The following SCN7A variants were observed in gnomAD, a reference collection of about 807,000 sequenced individuals.
The protein encoded by SCN7A is sodium channel protein type 7 subunit alpha.
In SCN7A, 138 loss-of-function variants were observed where a neutral mutation model predicts 155.2. The ratio of observed to expected loss-of-function variants is 0.89; its 90% CI spans 0.77 to 1.02. The LOEUF is 1.02. Among genes scored for constraint, SCN7A ranks in the 50% least tolerant of loss-of-function variants. SCN7A has a pLI of 0.00. For missense variants in SCN7A, 2,058 were observed against 1,986.6 expected (o/e 1.04, Z -0.68); for synonymous variants, 693 against 649.0 (o/e 1.07, Z -1.03).
At chr2:166,425,642 G>A (rs1701606530) in intron 18 of SCN7A, among the ~76,000 whole-genome samples, 1 of 151,928 alleles carries the variant, frequency 6.6e-6, no homozygotes, top group African/African-American at 2.4e-5. Flanking sequence ...GCATTCTTCT[G>A]TCTTCAAAGG....
chr2:166,468,297 C>G (rs1221057061), intron 7 of SCN7A, among the ~76,000 whole-genome samples: 1 of 152,006 alleles, frequency 6.6e-6, no homozygotes, highest in Non-Finnish European at 1.5e-5. Flanking sequence ...TTCACACAAA[C>G]AGAGAGTTGA....
intron 1 of SCN7A, among the ~76,000 whole-genome samples, chr2:166,489,002 T>G (rs1259927594): frequency 1.3e-5 from 2 of 152,176 alleles, no homozygotes; most frequent in African/African-American, 4.8e-5. Flanking sequence ...TAGAAATTAT[T>G]GCTGAAGTTT....
chr2:166,459,807 T>G (rs928927746), intron 10 of SCN7A, among the ~76,000 whole-genome samples: 1 of 152,140 alleles, frequency 6.6e-6, no homozygotes, highest in African/African-American at 2.4e-5. Flanking sequence ...TAAAAAAGAA[T>G]GAGTTCATGT....
rs781720177 is a variant in SCN7A, at chr2:166,441,397, A to T, written c.2156T>A (p.Leu719Gln). The T allele has an allele frequency of 2.5e-6, 4 of 1,575,734 alleles. No homozygotes were observed. Among genetic ancestry groups the T allele is most frequent in the Non-Finnish European group, 3.4e-6 (4 of 1,159,604 alleles). The change falls in exon 15 of 26, where the codon CTG (leucine) becomes CAG (glutamine). Residue 719 changes from leucine (L) to glutamine (Q), a missense_variant and splice_region_variant. Coordinates refer to ENST00000643258, the MANE Select transcript of SCN7A (RefSeq NM_002976.4). The stretch of plus-strand genomic sequence containing the variant: ...AATGTAAAAGAATTGACTACTTACC[A>T]GTAAATTTCCAATTAAAATGACCAT... The part of the protein sequence containing the change: ...YLMVILIGNL[L>Q]VLYLFLALVS...
chr2:166,483,725 G>T (rs887767780), intron 2 of SCN7A, among the ~76,000 whole-genome samples: 1 of 151,738 alleles, frequency 6.6e-6, no homozygotes, highest in African/African-American at 2.4e-5. Context: ...AAACTTTTTT[G>T]ATCATATAAA....
intron 7 of SCN7A, among the ~76,000 whole-genome samples, chr2:166,469,668 T>A (rs1347258921): frequency 1.3e-5 from 2 of 151,794 alleles, no homozygotes; most frequent in Non-Finnish European, 2.9e-5. Context: ...AATTCTTACC[T>A]CTAGTCTTAG....
rs764760948 is a variant in SCN7A, at chr2:166,432,681, A to G, written c.2229T>C (p.Asn743=). Residue 743 remains asparagine (N), a synonymous_variant, in exon 16 of 26, where the codon AAT becomes AAC. Transcript: ENST00000643258. ...CTGCAAGCTGGAGATTTTTTGCTTC[A>G]TTATTCTCTTCAGCTGTTACATCCT... ...SCKDVTAEEN[N]EAKNLQLAVA... is the part of the protein sequence containing the mutation. The G allele has an allele frequency of 6.2e-7, 1 of 1,603,862 alleles. No homozygotes were observed.
intron 3 of SCN7A, among the ~76,000 whole-genome samples, chr2:166,475,104 GTATATATATATA>G (rs370064873): frequency 1.2e-5 from 1 of 86,026 alleles, no homozygotes; most frequent in Non-Finnish European, 2.7e-5. Flanking sequence ...ACATATATAT[GTATATATATATA>G]TATACATATA....
intron 15 of SCN7A, among the ~76,000 whole-genome samples, chr2:166,435,524 A>G (rs1400671567): frequency 6.6e-6 from 1 of 152,104 alleles, no homozygotes; most frequent in Non-Finnish European, 1.5e-5. Flanking sequence ...TTGAGTGAGA[A>G]TTGAGCAACT....
chr2:166,477,769 T>A, intron 2 of SCN7A, 59 bp from the exon 3 acceptor site: 1 of 1,091,218 alleles, frequency 9.2e-7, no homozygotes, highest in Non-Finnish European at 1.3e-6. Context: ...GTACAAAAGA[T>A]TAGGATACGA....
rs200874141 is a variant in SCN7A at position 166,474,298 on chromosome 2, G to C, written c.281C>G (p.Ala94Gly). 7 of 1,527,102 alleles carry C rather than the reference G, an allele frequency of 4.6e-6. No individual in the cohort carries two copies. Among genetic ancestry groups the C allele is most frequent in the Non-Finnish European group, 5.3e-6 (6 of 1,131,804 alleles). 94.6% of individuals were successfully genotyped at this position (1,527,102 alleles called of 1,614,324 possible). Residue 94 changes from alanine to glycine, a missense_variant, in exon 4 of 26, where the codon GCG becomes GGG. Physicochemically the swap from Ala to Gly is moderately conservative, Grantham distance 60 (BLOSUM62 0). Coordinates refer to ENST00000643258, the MANE Select transcript of SCN7A (RefSeq NM_002976.4). ...AGACAATGTACACAAGATGGAAGCCGCATTGAATCTGAAGATTGTTCTATT... is the reference window on the plus strand; with the variant it reads ...AGACAATGTACACAAGATGGAAGCCCCATTGAATCTGAAGATTGTTCTATT... Reference protein sequence around the residue: ...NKNRTIFRFNAASILCTLSPF... With the variant: ...NKNRTIFRFNGASILCTLSPF...
intron 20 of SCN7A, among the ~76,000 whole-genome samples, chr2:166,417,441 C>T (rs1701403879): frequency 6.6e-6 from 1 of 152,068 alleles, no homozygotes; most frequent in Non-Finnish European, 1.5e-5. Context: ...CCACTGAACT[C>T]CAGCATGGGC....
At chr2:166,447,835 T>A (rs1377787015) in intron 11 of SCN7A, 127 bp from the exon 12 acceptor site, 2 of 658,188 alleles carry the variant, frequency 3.0e-6, no homozygotes, top group African/African-American at 3.7e-5. Flanking sequence ...ATTAAATTGA[T>A]ACATAATCAT....
chr2:166,451,017 T>C (rs925733279), intron 11 of SCN7A, among the ~76,000 whole-genome samples: 11 of 152,182 alleles, frequency 7.2e-5, no homozygotes, highest in African/African-American at 2.2e-4. Flanking sequence ...CTGTGTGACA[T>C]ATTGAATAAT....
At position 166,416,724 on chromosome 2, in the gene SCN7A, G is replaced by A; in HGVS notation, c.3397C>T (p.Leu1133Phe). Residue 1133 changes from leucine (L) to phenylalanine (F), a missense_variant, in exon 21 of 26, where the codon CTT becomes TTT. Leu to Phe is a conservative substitution (Grantham distance 22, BLOSUM62 0). Coordinates refer to ENST00000643258, the MANE Select transcript of SCN7A (RefSeq NM_002976.4). Reference sequence around the variant, plus strand: ...GTACTTACTACTTGAAGCAGAGAAAGGAAACCATTTCCAACATTATCAAAG... The same window carrying A: ...GTACTTACTACTTGAAGCAGAGAAAAGAAACCATTTCCAACATTATCAAAG... ...MNFDNVGNGF[L>F]SLLQVATFNG... is the part of the protein sequence containing the mutation. The A allele has an allele frequency of 6.2e-7, 1 of 1,607,502 alleles. No individual in the cohort carries two copies. Among genetic ancestry groups the A allele is most frequent in the Non-Finnish European group, 8.5e-7 (1 of 1,176,444 alleles).
intron 9 of SCN7A, among the ~76,000 whole-genome samples, chr2:166,464,115 T>A (rs1702472593): frequency 1.3e-5 from 2 of 151,494 alleles, no homozygotes; most frequent in African/African-American, 4.9e-5. Context: ...GACATACATA[T>A]GTGTATATAT....
Sources: gnomAD v4.1 joint callset for allele counts (sites outside exome capture counted in the v4.1 genomes callset) on GRCh38, gnomAD v4.1.1 for gene constraint, MANE v1.5 for transcripts, NCBI Gene and HGNC (gene_info 2026-07-23, HGNC 2026-07-21) for gene names.